SEZ6: variants seen among roughly 807,000 people sequenced by gnomAD.
SEZ6 encodes the protein seizure related 6 homolog, also known as seizure protein 6 homolog.
Under a neutral mutation model 101.0 loss-of-function variants are expected in SEZ6, and 53 were observed. The ratio of observed to expected loss-of-function variants is 0.52; its 90% CI spans 0.42 to 0.66. The LOEUF is 0.66. Among genes scored for constraint, SEZ6 ranks in the 30% least tolerant of loss-of-function variants. The pLI is 0.00. For missense variants in SEZ6, 1,102 were observed against 1,289.4 expected (o/e 0.85, Z 2.23); for synonymous variants, 488 against 512.2 (o/e 0.95, Z 0.64).
In SEZ6 at chr17:28,955,622, A is replaced by G; in HGVS notation, c.*340T>C. On this transcript the variant is annotated 3_prime_UTR_variant, in exon 17 of 17. Coordinates refer to ENST00000317338, the MANE Select transcript of SEZ6 (RefSeq NM_178860.5). The stretch of plus-strand genomic sequence containing the variant: ...GGATGGTGGTCATGTGGAGAAAGGT[A>G]CTCCTGCTCTGCTAGTGTGTTCCAG... The G allele has an allele frequency of 1.8e-6, 1 of 546,890 alleles. No individual in the cohort carries two copies. The highest frequency in any genetic ancestry group is 3.5e-6 in the Non-Finnish European group (1 of 285,602). 33.9% of individuals were successfully genotyped at this position (546,890 alleles called of 1,614,324 possible).
In SEZ6 at chr17:28,956,740, A is replaced by G. The variant is rs1394592523; in HGVS notation, c.2710T>C (p.Tyr904His). Residue 904 changes from tyrosine (Y) to histidine (H), a missense_variant, in exon 14 of 17, where the codon TAC becomes CAC. Tyr to His is a moderately conservative substitution (Grantham distance 83). Coordinates refer to ENST00000317338, the MANE Select transcript of SEZ6 (RefSeq NM_178860.5). ...ICRAASLDGF[Y>H]NSRSLDVAKA... is the part of the protein sequence containing the mutation. ...TTACCATCCAGGCTGCGACTGTTGTAGAACCCATCCAGAGAGGCTGGAACA... is the reference window on the plus strand; with the variant it reads ...TTACCATCCAGGCTGCGACTGTTGTGGAACCCATCCAGAGAGGCTGGAACA... 9.0e-6 allele frequency: 14 copies of G among 1,563,694 alleles called. No individual in the cohort carries two copies. The highest frequency in any genetic ancestry group is 1.7e-4 in the Middle Eastern group (1 of 6,024).
At chr17:28,988,130 T>G (rs1046700920) in intron 1 of SEZ6, among the ~76,000 whole-genome samples, 1 of 152,212 alleles carries the variant, frequency 6.6e-6, no homozygotes, top group East Asian at 1.9e-4. Flanking sequence ...TTCCCCGTTT[T>G]GGCCCCAATT....
At position 28,957,840 on chromosome 17, in the gene SEZ6, G is replaced by A. The variant is rs910150578; in HGVS notation, c.2302+107C>T. Reference sequence around the variant, plus strand: ...GAAACTGAGGCTATAAGAGGTGAAGGAACTTTGAAGATACTAGCTAATAAC... The same window carrying A: ...GAAACTGAGGCTATAAGAGGTGAAGAAACTTTGAAGATACTAGCTAATAAC... On this transcript the variant is annotated intron_variant, in intron 11 of 16. Coordinates refer to ENST00000317338, the MANE Select transcript of SEZ6 (RefSeq NM_178860.5). The A allele has an allele frequency of 3.1e-6, 4 of 1,291,908 alleles. No individual in the cohort carries two copies. In the South Asian group the frequency reaches 5.8e-5, roughly 19 times the overall value. The allele number at this position is 1,291,908 out of a possible 1,614,324, so 80.0% of individuals were successfully genotyped here.
intron 1 of SEZ6, among the ~76,000 whole-genome samples, chr17:28,987,746 G>A (rs780843587): frequency 2.8e-4 from 43 of 152,238 alleles, no homozygotes; most frequent in African/African-American, 7.9e-4. Context: ...GCCCTCATAC[G>A]TAATTTCTCA....
chr17:28,960,194 G>A (rs755632912), intron 7 of SEZ6: 13 of 573,332 alleles, frequency 2.3e-5, no homozygotes, highest in Non-Finnish European at 4.0e-5. Flanking sequence ...TGCATAAATG[G>A]TTCTAGAATG....
At chr17:28,996,617 A>G (rs1217673077) in intron 1 of SEZ6, among the ~76,000 whole-genome samples, 3 of 152,048 alleles carry the variant, frequency 2.0e-5, no homozygotes, top group Non-Finnish European at 4.4e-5. Flanking sequence ...GGTGTACCTT[A>G]CACCCAGGCC....
At chr17:28,964,272 G>T in intron 4 of SEZ6, 125 bp from the exon 5 acceptor site, 1 of 1,015,512 alleles carries the variant, frequency 9.8e-7, no homozygotes, top group Non-Finnish European at 1.4e-6. Flanking sequence ...GGAAGCACTA[G>T]GAGTTCCAAA....
In SEZ6 at chr17:28,960,959, C is replaced by G; in HGVS notation, c.1255G>C (p.Val419Leu). The change falls in exon 6 of 17, where the codon GTG becomes CTG. Residue 419 changes from valine to leucine, a missense_variant. Val to Leu is a conservative substitution (Grantham distance 32). Transcript: ENST00000317338. ...EPVCIAACGG[V>L]IRNATTGRIV... is the part of the protein sequence containing the mutation. ...CGGCCGGTGGTGGCATTGCGGATCA[C>G]TCCGCCGCAAGCAGCTGTTAAGACC... The G allele has an allele frequency of 6.2e-7, 1 of 1,613,244 alleles. No individual in the cohort carries two copies. The highest frequency in any genetic ancestry group is 1.3e-5 in the African/African-American group (1 of 75,030).
chr17:28,974,817 C>T (rs1023172111), intron 3 of SEZ6, among the ~76,000 whole-genome samples: 1 of 152,212 alleles, frequency 6.6e-6, no homozygotes, highest in Non-Finnish European at 1.5e-5. Context: ...GTACCGGTCT[C>T]CGCCTGGGTC....
At chr17:28,982,543 G>A (rs1459195975) in intron 1 of SEZ6, among the ~76,000 whole-genome samples, 1 of 152,222 alleles carries the variant, frequency 6.6e-6, no homozygotes, top group Non-Finnish European at 1.5e-5. Context: ...AGATGATAGG[G>A]CATTCAAGTT....
intron 1 of SEZ6, among the ~76,000 whole-genome samples, chr17:28,990,927 A>G (rs1162119350): frequency 6.6e-6 from 1 of 152,074 alleles, no homozygotes; most frequent in Non-Finnish European, 1.5e-5. Context: ...ATTTTTTTTG[A>G]GACAGTCTCA....
chr17:28,961,145 C>T (rs1418233932), intron 5 of SEZ6, among the ~76,000 whole-genome samples, 172 bp from the exon 6 acceptor site: 2 of 152,112 alleles, frequency 1.3e-5, no homozygotes, highest in Non-Finnish European at 2.9e-5. Context: ...CCCTGTGAAC[C>T]TGCATCTCCA....
intron 1 of SEZ6, among the ~76,000 whole-genome samples, chr17:29,002,085 C>A (rs1016887518): frequency 6.7e-6 from 1 of 149,822 alleles, no homozygotes; most frequent in African/African-American, 2.5e-5. Flanking sequence ...CACCCTCTTT[C>A]TTCTTTTTTT....
chr17:28,960,989 C>A lies in SEZ6; in HGVS notation c.1241-16G>T. 4 of 1,608,176 alleles carry A rather than the reference C, an allele frequency of 2.5e-6. No homozygotes were observed. The highest frequency in any genetic ancestry group is 3.4e-6 in the Non-Finnish European group (4 of 1,177,466). On this transcript the variant is annotated splice_polypyrimidine_tract_variant and intron_variant, in intron 5 of 16. Transcript: ENST00000317338. ...CCGCAAGCAGCTGTTAAGACCAGGA[C>A]AGGACGTAGGCTAGGCCCCTGCCTG...
chr17:28,978,023 C>T (rs1286847123), intron 3 of SEZ6, among the ~76,000 whole-genome samples: 1 of 152,114 alleles, frequency 6.6e-6, no homozygotes. Context: ...AGGAGAGGGT[C>T]CCCCTGACAG....
chr17:28,991,462 T>A (rs1437107114), intron 1 of SEZ6, among the ~76,000 whole-genome samples: 1 of 152,222 alleles, frequency 6.6e-6, no homozygotes, highest in Non-Finnish European at 1.5e-5. Context: ...TGCCTCGGCC[T>A]CCCAAAGTGC....
chr17:28,990,482 C>G (rs911075282), intron 1 of SEZ6, among the ~76,000 whole-genome samples: 1 of 152,116 alleles, frequency 6.6e-6, no homozygotes, highest in African/African-American at 2.4e-5. Flanking sequence ...CCAGGCTGGT[C>G]TAGAACTCCT....
chr17:28,973,754 G>T (rs1481189309), intron 3 of SEZ6, among the ~76,000 whole-genome samples: 2 of 152,212 alleles, frequency 1.3e-5, no homozygotes, highest in Non-Finnish European at 1.5e-5. Flanking sequence ...ATGAAGTCTT[G>T]ATGCAATTTG....
intron 1 of SEZ6, among the ~76,000 whole-genome samples, chr17:29,001,762 G>A (rs939744551): frequency 1.3e-5 from 2 of 152,206 alleles, no homozygotes; most frequent in Non-Finnish European, 2.9e-5. Context: ...CCTAGTGCCT[G>A]CTTCCCACCA....
Sources: allele counts gnomAD v4.1 joint callset (sites outside exome capture counted in the v4.1 genomes callset), GRCh38; gene constraint gnomAD v4.1.1; transcripts MANE v1.5; gene names NCBI Gene and HGNC (gene_info 2026-07-23, HGNC 2026-07-21).